The following RBM33 variants were observed in gnomAD, a reference collection of about 807,000 sequenced individuals.
RBM33 encodes RNA-binding protein 33.
In RBM33, 28 loss-of-function variants were observed where a neutral mutation model predicts 132.6. The ratio of observed to expected loss-of-function variants is 0.21; its 90% CI spans 0.16 to 0.29. RBM33 has a LOEUF of 0.29. RBM33 is among the 10% of genes least tolerant of loss of function. The pLI, the probability that RBM33 is intolerant of heterozygous loss-of-function variation, is 1.00. For synonymous variants in RBM33, 634 were observed against 593.0 expected, an observed-to-expected ratio of 1.07 and a Z score of -1.01; for missense variants, 1,291 against 1,518.5, an observed-to-expected ratio of 0.85 and a Z score of 2.49.
At chr7:155,769,331 T>A (rs905437695) in intron 16 of RBM33, among the ~76,000 whole-genome samples, 2 of 152,170 alleles carry the variant, frequency 1.3e-5, no homozygotes, top group Admixed American at 6.5e-5. Flanking sequence ...GAAAGCACAT[T>A]AAAGCAGCGG....
Position 155,707,083 on chromosome 7 carries a change from TC to T in RBM33, c.948+16del. On this transcript the variant is annotated intron_variant, in intron 7 of 17. Coordinates refer to ENST00000401878, the MANE Select transcript of RBM33 (RefSeq NM_053043.3). ...CTCCTGTCGTGGTAACTTCAGATTTTCTTGTAGTAGCCCTAGAACTTCAGAA... is the reference window on the plus strand; with the variant it reads ...CTCCTGTCGTGGTAACTTCAGATTTTTTGTAGTAGCCCTAGAACTTCAGAA... 3 of 1,529,530 alleles carry T rather than the reference TC, an allele frequency of 2.0e-6. No individual in the cohort carries two copies. The highest frequency in any genetic ancestry group is 1.8e-6 in the Non-Finnish European group (2 of 1,135,652). The allele number at this position is 1,529,530 out of a possible 1,614,324, so 94.7% of individuals were successfully genotyped here. A position where few individuals can be genotyped will look rare whatever the true frequency, so the allele number is the denominator to read the frequency against.
intron 9 of RBM33, among the ~76,000 whole-genome samples, chr7:155,733,092 G>A (rs1357239621): frequency 1.3e-5 from 2 of 152,176 alleles, no homozygotes; most frequent in Admixed American, 1.3e-4. Context: ...GGTTACAAGA[G>A]AAGCCGTTTT....
At chr7:155,699,426 G>A (rs1040418239) in intron 5 of RBM33, among the ~76,000 whole-genome samples, 5 of 152,170 alleles carry the variant, frequency 3.3e-5, no homozygotes, top group African/African-American at 4.8e-5. Context: ...GAGAATAGAC[G>A]TCCTAAGGAA....
At chr7:155,735,621 C>G (rs565833844) in intron 9 of RBM33, among the ~76,000 whole-genome samples, 2 of 152,078 alleles carry the variant, frequency 1.3e-5, no homozygotes, top group African/African-American at 4.8e-5. Flanking sequence ...TCCCTTGAGC[C>G]AAGGAGTTTG....
chr7:155,673,390 T>A (rs1245201387), intron 3 of RBM33, among the ~76,000 whole-genome samples: 1 of 133,094 alleles, frequency 7.5e-6, no homozygotes, highest in Admixed American at 8.1e-5. Flanking sequence ...TTTGTATATC[T>A]ATTTATATAT....
At position 155,763,979 on chromosome 7, in the gene RBM33, A is replaced by G. The variant is rs752600737; in HGVS notation, c.3147A>G (p.Pro1049=). 3.2e-5 allele frequency: 51 copies of G among 1,578,904 alleles called. No homozygotes were observed. The highest frequency in any genetic ancestry group is 3.4e-4 in the Middle Eastern group (2 of 5,948). Residue 1049 remains proline, a synonymous_variant, in exon 15 of 18, where the codon CCA becomes CCG. Coordinates refer to ENST00000401878, the MANE Select transcript of RBM33 (RefSeq NM_053043.3). ...CCCACGCACACTCGCCTGTCCCTCC[A>G]GGGATCAAAAGCATCCAAGGAATTC... is the stretch of plus-strand genomic sequence containing the variant. ...AGPHAHSPVP[P]GIKSIQGIHP...
At position 155,775,347 on chromosome 7, in the gene RBM33, C is replaced by G. The variant is rs1375292683; in HGVS notation, c.*306C>G. The G allele has an allele frequency of 7.7e-6, 4 of 521,342 alleles. No homozygotes were observed. Among genetic ancestry groups the G allele is most frequent in the African/African-American group, 1.9e-5 (1 of 52,158 alleles). 32.3% of individuals were successfully genotyped at this position (521,342 alleles called of 1,614,324 possible). On this transcript the variant is annotated 3_prime_UTR_variant, in exon 18 of 18. Transcript: ENST00000401878. ...GCATGTAGACATTGTTCTTTGTGGT[C>G]TGACTCTATGATCGATCACAGTGAC...
chr7:155,647,507 TG>T (rs1798233380), intron 1 of RBM33, among the ~76,000 whole-genome samples: 1 of 152,212 alleles, frequency 6.6e-6, no homozygotes, highest in Non-Finnish European at 1.5e-5. Context: ...CATGGCTAAT[TG>T]CAGCCTTGGA....
chr7:155,678,646 T>A lies in RBM33; in HGVS notation c.210T>A (p.Asp70Glu). 1 of 1,582,784 alleles carries A rather than the reference T, an allele frequency of 6.3e-7. No individual in the cohort carries two copies. The highest frequency in any genetic ancestry group is 8.6e-7 in the Non-Finnish European group (1 of 1,160,410). ...SDLSDEELNDDLLQSDNEDEE... is the reference protein window; with the variant it reads ...SDLSDEELNDELLQSDNEDEE... ...TGTCAGATGAAGAGCTAAATGATGA[T>A]CTTTTGCAGAGTGATAATGAAGATG... The change falls in exon 4 of 18, where the codon GAT (aspartate) becomes GAA (glutamate). Residue 70 changes from aspartate (D) to glutamate (E), a missense_variant. This residue lies in a region of RBM33 where 194 missense variants were observed against 249.8 expected (regional missense o/e 0.78). Transcript: ENST00000401878.
chr7:155,698,863 G>T (rs1412020937), intron 5 of RBM33, among the ~76,000 whole-genome samples: 2 of 152,188 alleles, frequency 1.3e-5, no homozygotes, highest in Non-Finnish European at 2.9e-5. Context: ...TTGCGAAGTA[G>T]CATTCTGTGG....
At chr7:155,724,417 A>G (rs979921926) in intron 9 of RBM33, among the ~76,000 whole-genome samples, 1 of 152,154 alleles carries the variant, frequency 6.6e-6, no homozygotes, top group Non-Finnish European at 1.5e-5. Flanking sequence ...AGACCCAGCT[A>G]TTTGGGAAGC....
chr7:155,697,702 T>C lies in RBM33; in HGVS notation c.568-3071T>C, dbSNP rs541830143. 4.6e-5 allele frequency among the ~76,000 whole-genome samples: 7 copies of C among 152,310 alleles called. No individual in the cohort carries two copies. In the South Asian group the frequency reaches 1.0e-3, roughly 23 times the overall value. On this transcript the variant is annotated intron_variant, in intron 5 of 17. Coordinates refer to ENST00000401878, the MANE Select transcript of RBM33 (RefSeq NM_053043.3). ...CTGAGATCATACTTTCATTTCAGAA[T>C]TAGCTGGAGAACTTCAAAATATATA... is the stretch of plus-strand genomic sequence containing the variant.
At chr7:155,645,934 G>C (rs1798176288) in intron 1 of RBM33, among the ~76,000 whole-genome samples, 2 of 152,206 alleles carry the variant, frequency 1.3e-5, no homozygotes, top group South Asian at 4.1e-4. Context: ...AAAAGACTAA[G>C]TGTAGGAATG....
In RBM33 at chr7:155,661,532, C is replaced by T. The variant is rs1029217755; in HGVS notation, c.44-3643C>T. Among the ~76,000 whole-genome samples the T allele has an allele frequency of 7.8e-4, 119 of 151,844 alleles. 1 individual carries two copies. The highest frequency in any genetic ancestry group is 2.7e-3 in the African/African-American group (113 of 41,288). On this transcript the variant is annotated intron_variant, in intron 1 of 17. Coordinates refer to ENST00000401878, the MANE Select transcript of RBM33 (RefSeq NM_053043.3). ...AAGCAATTCTCTTGGCTCAGCCTCC[C>T]GAGTAGCCGGGATTACAGGTGTGTG...
chr7:155,749,264 ATAAAT>A (rs1801619990), intron 14 of RBM33, among the ~76,000 whole-genome samples: 1 of 152,194 alleles, frequency 6.6e-6, no homozygotes, highest in Admixed American at 6.5e-5. Flanking sequence ...CCTTTTAGAA[ATAAAT>A]TATGTGATTT....
chr7:155,765,995 C>T (rs1316398849), intron 15 of RBM33, among the ~76,000 whole-genome samples: 1 of 152,196 alleles, frequency 6.6e-6, no homozygotes, highest in Non-Finnish European at 1.5e-5. Context: ...GAGTCAGGTA[C>T]ATGATGCTGT....
intron 13 of RBM33, among the ~76,000 whole-genome samples, chr7:155,744,753 A>G (rs1044515585): frequency 2.0e-5 from 3 of 151,280 alleles, no homozygotes; most frequent in Non-Finnish European, 4.4e-5. Context: ...TTCTGATAAG[A>G]TTTTCCAAAT....
intron 5 of RBM33, among the ~76,000 whole-genome samples, chr7:155,692,327 T>A (rs1236588207): frequency 6.6e-6 from 1 of 152,228 alleles, no homozygotes; most frequent in African/African-American, 2.4e-5. Flanking sequence ...GACAGTTTTC[T>A]GAGGGTCCTT....
chr7:155,668,826 C>A (rs372864205), intron 2 of RBM33, among the ~76,000 whole-genome samples: 1 of 152,064 alleles, frequency 6.6e-6, no homozygotes, highest in Non-Finnish European at 1.5e-5. Flanking sequence ...ATTGTCGTTT[C>A]GTATCTTTAT....
Sources: gnomAD v4.1 joint callset for allele counts (sites outside exome capture counted in the v4.1 genomes callset) on GRCh38, gnomAD v4.1.1 for gene constraint, gnomAD v4.1.1 regional missense constraint, MANE v1.5 for transcripts, NCBI Gene and HGNC (gene_info 2026-07-23, HGNC 2026-07-21) for gene names.